The following LAMB4 variants were observed in gnomAD, a reference collection of about 807,000 sequenced individuals.
The protein encoded by LAMB4 is laminin subunit beta 4, also known as laminin subunit beta-4.
A neutral mutation model predicts 199.2 loss-of-function variants in LAMB4; 196 were observed. The ratio of observed to expected loss-of-function variants is 0.98; its 90% CI spans 0.88 to 1.11. LAMB4 has a LOEUF of 1.11. Among genes scored for constraint, LAMB4 ranks in the 50% least tolerant of loss-of-function variants. LAMB4 has a pLI of 0.00. For synonymous variants in LAMB4, 744 were observed against 770.6 expected, an observed-to-expected ratio of 0.97 and a Z score of 0.57; for missense variants, 2,080 against 2,171.2, an observed-to-expected ratio of 0.96 and a Z score of 0.83.
At chr7:108,081,000 T>C (rs1407706191) in intron 14 of LAMB4, among the ~76,000 whole-genome samples, 2 of 151,954 alleles carry the variant, frequency 1.3e-5, no homozygotes, top group African/African-American at 4.8e-5. Context: ...TGTGCGCTTG[T>C]ACTCCCAGCT....
intron 3 of LAMB4, among the ~76,000 whole-genome samples, chr7:108,112,698 T>C (rs933297519): frequency 1.3e-5 from 2 of 152,242 alleles, no homozygotes; most frequent in African/African-American, 2.4e-5. Context: ...TAAGGGGCTC[T>C]GTAAGGATTT....
intron 2 of LAMB4, among the ~76,000 whole-genome samples, chr7:108,122,110 T>TC (rs2038620672): frequency 6.6e-6 from 1 of 152,062 alleles, no homozygotes; most frequent in African/African-American, 2.4e-5. Context: ...GAGAGAGGAG[T>TC]CCCCTAATTG....
At position 108,052,093 on chromosome 7, in the gene LAMB4, T is replaced by C; in HGVS notation, c.3916+4A>G. 1 of 1,597,858 alleles carries C rather than the reference T, an allele frequency of 6.3e-7. No individual in the cohort carries two copies. The highest frequency in any genetic ancestry group is 8.5e-7 in the Non-Finnish European group (1 of 1,171,442). On this transcript the variant is annotated splice_donor_region_variant and intron_variant, in intron 26 of 33. Transcript: ENST00000388781. ...ACACAGTCAAAAATACATTTTTCCC[T>C]TACCCGCAATGCTTGCATTAAGGAC...
At chr7:108,082,805 C>G (rs2037006399) in intron 14 of LAMB4, among the ~76,000 whole-genome samples, 2 of 152,146 alleles carry the variant, frequency 1.3e-5, no homozygotes, top group Non-Finnish European at 2.9e-5. Context: ...AAATCAGGGT[C>G]ATCCTCAGAG....
At chr7:108,055,152 G>C (rs751602638) in intron 25 of LAMB4, among the ~76,000 whole-genome samples, 4 of 151,202 alleles carry the variant, frequency 2.6e-5, no homozygotes, top group African/African-American at 4.9e-5. Flanking sequence ...ATCCTAACTA[G>C]GTGAGAAAAA....
chr7:108,095,283 G>A lies in LAMB4; in HGVS notation c.1415C>T (p.Thr472Ile), dbSNP rs1307227339. ...ATATGACAGGCACAAGCATTGGCCT[G>A]TATCCACATCACAGGTCAAGAATGG... The part of the protein sequence containing the change: ...SLPFLTCDVD[T>I]GQCLCLSYVT... The change falls in exon 12 of 34, where the codon ACA becomes ATA. Residue 472 changes from threonine (T) to isoleucine (I), a missense_variant. Thr to Ile is a moderately conservative substitution (Grantham distance 89, BLOSUM62 -1). Coordinates refer to ENST00000388781, the MANE Select transcript of LAMB4 (RefSeq NM_007356.3). The A allele has an allele frequency of 6.2e-7, 1 of 1,614,050 alleles. No individual in the cohort carries two copies. Among genetic ancestry groups the A allele is most frequent in the South Asian group, 1.1e-5 (1 of 91,074 alleles).
Position 108,095,438 on chromosome 7 carries a change from A to C in LAMB4, c.1361-101T>G, listed in dbSNP as rs1376413535. On this transcript the variant is annotated intron_variant, in intron 11 of 33. Transcript: ENST00000388781. The stretch of plus-strand genomic sequence containing the variant: ...AAGCAAGAAGCATAACCGCAAGAAC[A>C]CAGAGAAGCCTGCCCTGCCAGGTTT... 6.0e-6 allele frequency: 5 copies of C among 830,438 alleles called. No homozygotes were observed. In the East Asian group the frequency reaches 1.3e-4, roughly 21 times the overall value. 51.4% of individuals were successfully genotyped at this position (830,438 alleles called of 1,614,324 possible).
At chr7:108,024,773 C>A (rs1203832289) in intron 33 of LAMB4, among the ~76,000 whole-genome samples, 1 of 152,166 alleles carries the variant, frequency 6.6e-6, no homozygotes, top group Non-Finnish European at 1.5e-5. Context: ...ATCCATCTAT[C>A]TATACATTCA....
intron 28 of LAMB4, among the ~76,000 whole-genome samples, chr7:108,046,667 C>T (rs2035636984): frequency 6.6e-6 from 1 of 151,918 alleles, no homozygotes; most frequent in Non-Finnish European, 1.5e-5. Context: ...TATTTCAAAT[C>T]ATTATAGATT....
At chr7:108,046,720 A>G (rs1228099389) in intron 28 of LAMB4, among the ~76,000 whole-genome samples, 4 of 152,116 alleles carry the variant, frequency 2.6e-5, no homozygotes, top group South Asian at 4.1e-4. Context: ...TTCTCAGTCT[A>G]TCAACAGGGG....
chr7:108,057,866 T>C lies in LAMB4; in HGVS notation c.3345A>G (p.Glu1115=). 6.2e-7 allele frequency: 1 copy of C among 1,613,682 alleles called. No individual in the cohort carries two copies. Among genetic ancestry groups the C allele is most frequent in the Non-Finnish European group, 8.5e-7 (1 of 1,179,612 alleles). ...YGGKRCSECQ[E]NYYGDPPGRC... ...GCCCAGGTGGATCACCATAATAATT[T>C]TCCTGGCACTCACTGCAACGTTTCC... Residue 1115 remains glutamate (E), a synonymous_variant, in exon 24 of 34, where the codon GAA becomes GAG. Coordinates refer to ENST00000388781, the MANE Select transcript of LAMB4 (RefSeq NM_007356.3).
At chr7:108,056,796 C>T (rs2035998582) in intron 24 of LAMB4, among the ~76,000 whole-genome samples, 1 of 151,902 alleles carries the variant, frequency 6.6e-6, no homozygotes, top group Non-Finnish European at 1.5e-5. Context: ...ATGGTGAAAC[C>T]CTATCTCTAC....
intron 33 of LAMB4, among the ~76,000 whole-genome samples, chr7:108,025,376 T>G: frequency 8.0e-6 from 1 of 124,934 alleles, no homozygotes; most frequent in Non-Finnish European, 1.6e-5. Flanking sequence ...CTTTCTTTCT[T>G]TCTTTTCTTT....
At chr7:108,110,616 C>G (rs963409138) in intron 4 of LAMB4, among the ~76,000 whole-genome samples, 7 of 152,188 alleles carry the variant, frequency 4.6e-5, no homozygotes, top group African/African-American at 1.7e-4. Flanking sequence ...CTGTCCCTCT[C>G]TCTAAGGTGC....
In LAMB4 at chr7:108,116,091, G is replaced by A. The variant is rs757835315; in HGVS notation, c.105C>T (p.Leu35=). ...RGACHPTTGD[L]LVGRNTQLMA... ...TAAGCTGCGTGTTCCTGCCCACCAG[G>A]AGATCACCAGTGGTGGGATGACAGG... The change falls in exon 3 of 34, where the codon CTC becomes CTT. Residue 35 remains leucine (L), a synonymous_variant. Transcript: ENST00000388781. 1.6e-5 allele frequency: 26 copies of A among 1,613,840 alleles called. No individual in the cohort carries two copies. The highest frequency in any genetic ancestry group is 1.6e-4 in the Middle Eastern group (1 of 6,082).
At chr7:108,089,322 G>A (rs2037309620) in intron 14 of LAMB4, among the ~76,000 whole-genome samples, 1 of 152,078 alleles carries the variant, frequency 6.6e-6, no homozygotes, top group Admixed American at 6.5e-5. Flanking sequence ...CTCTTTAGCA[G>A]GACACTATAA....
chr7:108,055,813 C>T lies in LAMB4; in HGVS notation c.3574G>A (p.Ala1192Thr), dbSNP rs777632902. 6 of 1,614,072 alleles carry T rather than the reference C, an allele frequency of 3.7e-6. No homozygotes were observed. The highest frequency in any genetic ancestry group is 1.6e-4 in the Middle Eastern group (1 of 6,084). ...GCCAGTCTCATTAACCCTTGCACCGCTTTGGAGAGGGAAGAAATGGTGTGG... is the reference window on the plus strand; with the variant it reads ...GCCAGTCTCATTAACCCTTGCACCGTTTTGGAGAGGGAAGAAATGGTGTGG... Reference protein sequence around the residue: ...WDHTISSLSKAVQGLMRLAAN... With the variant: ...WDHTISSLSKTVQGLMRLAAN... Residue 1192 changes from alanine to threonine, a missense_variant, in exon 25 of 34, where the codon GCG (alanine) becomes ACG (threonine). By Grantham distance (58) the Ala-to-Thr change is moderately conservative. Transcript: ENST00000388781.
At chr7:108,036,110 G>A (rs934450068) in intron 30 of LAMB4, among the ~76,000 whole-genome samples, 6 of 151,744 alleles carry the variant, frequency 4.0e-5, no homozygotes, top group East Asian at 1.9e-4. Context: ...CACCTGCCTC[G>A]GCCTCCCAAA....
At chr7:108,034,912 C>T (rs1352295445) in intron 30 of LAMB4, among the ~76,000 whole-genome samples, 1 of 152,172 alleles carries the variant, frequency 6.6e-6, no homozygotes, top group African/African-American at 2.4e-5. Context: ...CAACAATCAC[C>T]AAATACTTAG....
Sources: allele counts gnomAD v4.1 joint callset (sites outside exome capture counted in the v4.1 genomes callset), GRCh38; gene constraint gnomAD v4.1.1; transcripts MANE v1.5; gene names NCBI Gene and HGNC (gene_info 2026-07-23, HGNC 2026-07-21).